Variants in RIMS1 observed in about 807,000 individuals in gnomAD.
RIMS1 encodes regulating synaptic membrane exocytosis protein 1.
A neutral mutation model predicts 214.1 loss-of-function variants in RIMS1; 83 were observed. The ratio of observed to expected loss-of-function variants is 0.39; its 90% CI spans 0.32 to 0.47. The LOEUF (loss-of-function observed/expected upper bound fraction) is 0.47. Among genes scored for constraint, RIMS1 ranks in the 20% least tolerant of loss-of-function variants. RIMS1 has a pLI of 0.99. For missense variants in RIMS1, 2,050 were observed against 2,161.8 expected (o/e 0.95, Z 1.03); for synonymous variants, 793 against 786.8 (o/e 1.01, Z -0.13).
chr6:72,059,969 G>T (rs1246087295), intron 2 of RIMS1, among the ~76,000 whole-genome samples: 4 of 151,654 alleles, frequency 2.6e-5, no homozygotes, highest in Non-Finnish European at 4.4e-5. Flanking sequence ...ACGGAGTTTT[G>T]CTCTTCTTGC....
At chr6:71,941,608 G>A (rs1786179090) in intron 1 of RIMS1, among the ~76,000 whole-genome samples, 1 of 152,126 alleles carries the variant, frequency 6.6e-6, no homozygotes, top group South Asian at 2.1e-4. Flanking sequence ...TTGCTGCACA[G>A]AAGTCAGCCC....
chr6:72,382,831 G>A (rs1347828592), intron 29 of RIMS1, among the ~76,000 whole-genome samples: 5 of 152,118 alleles, frequency 3.3e-5, no homozygotes, highest in Non-Finnish European at 4.4e-5. Context: ...GCCTCCATCC[G>A]TCCTCTACCT....
At chr6:72,213,278 T>C (rs1235565149) in intron 6 of RIMS1, 1 of 1,390,384 alleles carries the variant, frequency 7.2e-7, no homozygotes, top group Non-Finnish European at 9.7e-7. Flanking sequence ...TACCTAAATC[T>C]ATATTTAACA....
intron 2 of RIMS1, among the ~76,000 whole-genome samples, chr6:72,019,597 T>A (rs889343235): frequency 9.9e-5 from 15 of 152,228 alleles, no homozygotes; most frequent in African/African-American, 3.6e-4. Context: ...TATTTTGGAT[T>A]TTTGTAATGT....
At chr6:72,092,652 T>G (rs537896475) in intron 2 of RIMS1, among the ~76,000 whole-genome samples, 2 of 152,182 alleles carry the variant, frequency 1.3e-5, no homozygotes, top group East Asian at 1.9e-4. Context: ...TTGAGAAGGA[T>G]GTGATTCCCT....
At chr6:72,207,352 T>C (rs891932475) in intron 6 of RIMS1, among the ~76,000 whole-genome samples, 6 of 152,242 alleles carry the variant, frequency 3.9e-5, no homozygotes, top group Non-Finnish European at 7.3e-5. Context: ...ATTACTTAGC[T>C]TGTACATCAT....
intron 2 of RIMS1, among the ~76,000 whole-genome samples, chr6:72,028,139 T>A (rs1398018417): frequency 6.6e-6 from 1 of 152,162 alleles, no homozygotes; most frequent in Non-Finnish European, 1.5e-5. Context: ...TTATTTGATT[T>A]AGCCAAGCAG....
intron 16 of RIMS1, among the ~76,000 whole-genome samples, chr6:72,255,206 T>G (rs2075276964): frequency 6.6e-6 from 1 of 152,098 alleles, no homozygotes; most frequent in Non-Finnish European, 1.5e-5. Context: ...TAAAATAAAG[T>G]GAGGTGATAA....
chr6:71,930,564 G>C (rs1240879707), intron 1 of RIMS1, among the ~76,000 whole-genome samples: 2 of 152,010 alleles, frequency 1.3e-5, no homozygotes, highest in Non-Finnish European at 2.9e-5. Context: ...TGAAGGCTAT[G>C]AGCCATGATC....
At chr6:71,905,417 A>G (rs1774971557) in intron 1 of RIMS1, among the ~76,000 whole-genome samples, 1 of 152,118 alleles carries the variant, frequency 6.6e-6, no homozygotes, top group African/African-American at 2.4e-5. Context: ...CAGCTGGGGA[A>G]GAGAGGGAAA....
At chr6:72,063,328 C>T (rs1365208013) in intron 2 of RIMS1, among the ~76,000 whole-genome samples, 3 of 152,112 alleles carry the variant, frequency 2.0e-5, no homozygotes, top group Non-Finnish European at 4.4e-5. Context: ...GTGATGGGAG[C>T]TGGGGGCATG....
chr6:72,187,472 C>A (rs991017774), intron 6 of RIMS1, among the ~76,000 whole-genome samples: 2 of 106,284 alleles, frequency 1.9e-5, no homozygotes, highest in South Asian at 6.9e-4. Flanking sequence ...GTCCAGATAT[C>A]CTTTTTGTTT....
chr6:72,054,712 A>G (rs1401674212), intron 2 of RIMS1, among the ~76,000 whole-genome samples: 1 of 152,064 alleles, frequency 6.6e-6, no homozygotes, highest in Admixed American at 6.6e-5. Flanking sequence ...TGTTGGCTGC[A>G]TAAATGTCTT....
chr6:72,221,022 T>C (rs769037597), intron 6 of RIMS1, among the ~76,000 whole-genome samples: 5 of 152,036 alleles, frequency 3.3e-5, no homozygotes, highest in Non-Finnish European at 4.4e-5. Context: ...GAAAGACCCT[T>C]TGAGTATTGG....
intron 4 of RIMS1, among the ~76,000 whole-genome samples, chr6:72,137,983 G>T (rs2041572276): frequency 6.6e-6 from 1 of 151,956 alleles, no homozygotes; most frequent in Non-Finnish European, 1.5e-5. Context: ...TGATCCACCC[G>T]CCTTGGCCTC....
intron 3 of RIMS1, 53 bp downstream of exon 3, chr6:72,097,215 C>T (rs148236769): frequency 2.7e-5 from 41 of 1,491,534 alleles, no homozygotes; most frequent in African/African-American, 1.9e-4. Flanking sequence ...AAAACTATTA[C>T]GCCTTCCAAA....
intron 2 of RIMS1, among the ~76,000 whole-genome samples, chr6:71,978,521 A>G (rs1440436062): frequency 6.6e-6 from 1 of 152,092 alleles, no homozygotes; most frequent in Non-Finnish European, 1.5e-5. Context: ...AATATATGCT[A>G]GATACAAATA....
At chr6:72,095,123 T>TTA (rs1434704508) in intron 2 of RIMS1, among the ~76,000 whole-genome samples, 3 of 143,730 alleles carry the variant, frequency 2.1e-5, no homozygotes, top group African/African-American at 7.6e-5. Flanking sequence ...ACTATTTTTT[T>TTA]TTTTTTTTTT....
At chr6:72,141,685 G>C (rs2042096926) in intron 4 of RIMS1, among the ~76,000 whole-genome samples, 1 of 151,938 alleles carries the variant, frequency 6.6e-6, no homozygotes, top group Admixed American at 6.6e-5. Context: ...CCGTGATAGA[G>C]TAAGTACTAA....
Sources: allele counts gnomAD v4.1 joint callset (sites outside exome capture counted in the v4.1 genomes callset), GRCh38; gene constraint gnomAD v4.1.1; transcripts MANE v1.5; gene names NCBI Gene and HGNC (gene_info 2026-07-23, HGNC 2026-07-21).